Variants in RHOA observed in about 807,000 individuals in gnomAD.
RHOA encodes transforming protein RhoA.
A neutral mutation model predicts 17.5 loss-of-function variants in RHOA; 3 were observed. The ratio of observed to expected loss-of-function variants is 0.17; its 90% confidence interval spans 0.08 to 0.44. RHOA has a LOEUF of 0.44. Ranked by LOEUF, RHOA falls within the 20% of genes least tolerant of loss-of-function variation. RHOA has a pLI of 0.99. For synonymous variants in RHOA, 98 were observed against 88.4 expected, an observed-to-expected ratio of 1.11 and a Z score of -0.61; for missense variants, 56 against 242.3, an observed-to-expected ratio of 0.23 and a Z score of 5.10.
intron 1 of RHOA, among the ~76,000 whole-genome samples, chr3:49,407,141 C>T (rs186949818): frequency 7.3e-5 from 11 of 151,362 alleles, no homozygotes; most frequent in Non-Finnish European, 1.5e-4. Context: ...GAGACCCTGT[C>T]TCAAGAGAAG....
At chr3:49,377,816 G>C (rs1453251662) in intron 1 of RHOA, among the ~76,000 whole-genome samples, 2 of 151,330 alleles carry the variant, frequency 1.3e-5, no homozygotes, top group Non-Finnish European at 2.9e-5. Flanking sequence ...TTAGGTTGGT[G>C]GTCTGGCTCA....
chr3:49,378,369 C>G (rs2048267221), intron 1 of RHOA, among the ~76,000 whole-genome samples: 1 of 149,884 alleles, frequency 6.7e-6, no homozygotes, highest in African/African-American at 2.5e-5. Context: ...ACTTCAAATT[C>G]CCCAGCAGCT....
At chr3:49,387,128 A>C (rs1328421188) in intron 1 of RHOA, among the ~76,000 whole-genome samples, 1 of 9,544 alleles carries the variant, frequency 1.0e-4, no homozygotes, top group Non-Finnish European at 1.7e-4. Context: ...AAAAAAAAAA[A>C]AAAAAAAAAA....
chr3:49,407,696 C>T (rs1461020506), intron 1 of RHOA, among the ~76,000 whole-genome samples: 1 of 151,992 alleles, frequency 6.6e-6, no homozygotes, highest in Admixed American at 6.6e-5. Flanking sequence ...AATCTCAGAA[C>T]AAATCCAAAG....
At chr3:49,367,358 A>AAAAAAAAAAAAAC in intron 3 of RHOA, among the ~76,000 whole-genome samples, 1 of 148,304 alleles carries the variant, frequency 6.7e-6, no homozygotes, top group Non-Finnish European at 1.5e-5. Context: ...AAAAAAAAAA[A>AAAAAAAAAAAAAC]AAAAAAAAGA....
intron 1 of RHOA, among the ~76,000 whole-genome samples, chr3:49,393,867 G>T (rs1347733107): frequency 6.7e-6 from 1 of 150,040 alleles, no homozygotes; most frequent in African/African-American, 2.4e-5. Context: ...GCACCACTAC[G>T]CCTGGCTAAT....
intron 1 of RHOA, among the ~76,000 whole-genome samples, chr3:49,380,224 C>T (rs1002626537): frequency 1.3e-5 from 2 of 152,122 alleles, no homozygotes; most frequent in African/African-American, 4.8e-5. Flanking sequence ...GAATGAATGC[C>T]ATACCGTGGG....
intron 1 of RHOA, among the ~76,000 whole-genome samples, chr3:49,391,888 G>T (rs1365806801): frequency 7.0e-6 from 1 of 142,438 alleles, no homozygotes; most frequent in Non-Finnish European, 1.5e-5. Flanking sequence ...GAGTGTAATG[G>T]CACGATCTCA....
At chr3:49,369,283 A>G (rs1381389557) in intron 2 of RHOA, among the ~76,000 whole-genome samples, 1 of 122,470 alleles carries the variant, frequency 8.2e-6, no homozygotes, top group African/African-American at 2.7e-5. Flanking sequence ...TCGGCCTCCC[A>G]AAGTGCTGGG....
chr3:49,391,859 G>C (rs916535538), intron 1 of RHOA, among the ~76,000 whole-genome samples: 9 of 115,864 alleles, frequency 7.8e-5, no homozygotes, highest in African/African-American at 3.0e-4. Context: ...ACAGCGTTTC[G>C]ATCTTGTCCC....
At chr3:49,365,752 G>C (rs1483960235) in intron 3 of RHOA, among the ~76,000 whole-genome samples, 1 of 151,388 alleles carries the variant, frequency 6.6e-6, no homozygotes, top group Non-Finnish European at 1.5e-5. Context: ...CACCATACTT[G>C]GCTAAGTTTT....
intron 3 of RHOA, 32 bp from the exon 4 acceptor site, chr3:49,362,658 C>T (rs761623758): frequency 1.3e-6 from 2 of 1,585,242 alleles, no homozygotes; most frequent in Non-Finnish European, 1.7e-6. Flanking sequence ...TTTGGGGATA[C>T]ATACAATTCT....
At chr3:49,370,071 G>A (rs1331676078) in intron 2 of RHOA, among the ~76,000 whole-genome samples, 4 of 150,270 alleles carry the variant, frequency 2.7e-5, no homozygotes, top group East Asian at 2.0e-4. Context: ...CAACAAGAGC[G>A]AAACTCCATT....
At chr3:49,405,257 CAAAAAAAAAAAAA>C (rs56912055) in intron 1 of RHOA, among the ~76,000 whole-genome samples, 59 of 109,986 alleles carry the variant, frequency 5.4e-4, no homozygotes, top group Admixed American at 4.2e-4. Context: ...GACTGTGTCT[CAAAAAAAAAAAAA>C]AAAAAAAAAA....
chr3:49,405,929 C>A (rs1269502891), intron 1 of RHOA, among the ~76,000 whole-genome samples: 1 of 152,152 alleles, frequency 6.6e-6, no homozygotes, highest in African/African-American at 2.4e-5. Flanking sequence ...AGGTGACCCA[C>A]CCACCTCGGC....
At position 49,401,474 on chromosome 3, in the gene RHOA, G is replaced by A. The variant is rs76893046; in HGVS notation, c.-3+10346C>T. Among the ~76,000 whole-genome samples, 1,247 of 150,712 alleles carry A rather than the reference G, an allele frequency of 8.3e-3. 5 individuals carry two copies. Among genetic ancestry groups the A allele is most frequent in the Middle Eastern group, 0.028 (8 of 290 alleles). On this transcript the variant is annotated intron_variant, in intron 1 of 4. Coordinates refer to ENST00000418115, the MANE Select transcript of RHOA (RefSeq NM_001664.4). ...TTGACACCAGCCTGGGCAACATGGC[G>A]AAACCTCTGGGAGGCAAAGGTTGCA... is the stretch of plus-strand genomic sequence containing the variant.
intron 1 of RHOA, among the ~76,000 whole-genome samples, chr3:49,408,725 A>G (rs2048880519): frequency 1.3e-5 from 2 of 152,222 alleles, no homozygotes; most frequent in Admixed American, 6.5e-5. Context: ...AGTTACAAGC[A>G]AACAGTTCCA....
chr3:49,367,365 A>AAAAAAAAAAAAAT, intron 3 of RHOA, among the ~76,000 whole-genome samples: 1 of 149,778 alleles, frequency 6.7e-6, no homozygotes, highest in African/African-American at 2.4e-5. Flanking sequence ...AAAAAAAAAA[A>AAAAAAAAAAAAAT]AGAATACTGA....
At position 49,398,551 on chromosome 3, in the gene RHOA, C is replaced by T. The variant is rs553341884; in HGVS notation, c.-3+13269G>A. ...CTTAAAGAATTTTGCTGGCAGGGCG[C>T]GGTGGCTCACGCCTGTAATCCCAGC... On this transcript the variant is annotated intron_variant, in intron 1 of 4. Coordinates refer to ENST00000418115, the MANE Select transcript of RHOA (RefSeq NM_001664.4). 2.2e-4 allele frequency among the ~76,000 whole-genome samples: 33 copies of T among 150,680 alleles called. 1 individual carries two copies. Among genetic ancestry groups the T allele is most frequent in the African/African-American group, 3.2e-4 (13 of 41,030 alleles).
Sources: gnomAD v4.1 joint callset for allele counts (sites outside exome capture counted in the v4.1 genomes callset) on GRCh38, gnomAD v4.1.1 for gene constraint, MANE v1.5 for transcripts, NCBI Gene and HGNC (gene_info 2026-07-23, HGNC 2026-07-21) for gene names.